RAB3GAP1: variants seen among roughly 807,000 people sequenced by gnomAD.
The protein encoded by RAB3GAP1 is rab3 GTPase-activating protein catalytic subunit.
In RAB3GAP1, 86 loss-of-function variants were observed where a neutral mutation model predicts 130.7. The ratio of observed to expected loss-of-function variants is 0.66; its 90% CI spans 0.55 to 0.79. The LOEUF (loss-of-function observed/expected upper bound fraction) is 0.79, where lower values mean the gene tolerates loss of function less well. Ranked by LOEUF, RAB3GAP1 falls within the 30% of genes least tolerant of loss-of-function variation. RAB3GAP1 has a pLI of 0.00. For synonymous variants in RAB3GAP1, 367 were observed against 401.7 expected (o/e 0.91, Z 1.03); for missense variants, 1,029 against 1,169.4 (o/e 0.88, Z 1.75).
At chr2:135,123,955 T>C (rs953846936) in intron 8 of RAB3GAP1, 4 of 555,300 alleles carry the variant, frequency 7.2e-6, no homozygotes, top group African/African-American at 1.9e-5. Flanking sequence ...ACTGGATAAA[T>C]AGGAAATAAG....
chr2:135,078,021 C>T (rs1689679541), intron 3 of RAB3GAP1, among the ~76,000 whole-genome samples: 1 of 152,080 alleles, frequency 6.6e-6, no homozygotes, highest in African/African-American at 2.4e-5. Context: ...TGATAGTGTA[C>T]TTGATGCACA....
At chr2:135,087,757 T>C (rs547494249) in intron 3 of RAB3GAP1, among the ~76,000 whole-genome samples, 2 of 152,372 alleles carry the variant, frequency 1.3e-5, no homozygotes, top group Admixed American at 1.3e-4. Context: ...GTTTTAGTCA[T>C]TTGTTTGTAG....
chr2:135,117,797 TTC>T lies in RAB3GAP1; in HGVS notation c.648+2418_648+2419del, dbSNP rs1691071774. On this transcript the variant is annotated intron_variant, in intron 7 of 23. Coordinates refer to ENST00000264158, the MANE Select transcript of RAB3GAP1 (RefSeq NM_012233.3). ...CTTCTGCTTCTTCTGCTTCTTCTTC[TTC>T]TTCTTCTTCTTTCTTCTTCTTTCTT... Among the ~76,000 whole-genome samples, 4 of 150,204 alleles carry T rather than the reference TTC, an allele frequency of 2.7e-5. No individual in the cohort carries two copies. The South Asian group carries it at 8.3e-4, about 31-fold the overall frequency.
intron 3 of RAB3GAP1, among the ~76,000 whole-genome samples, chr2:135,076,241 G>T (rs1358975515): frequency 6.6e-6 from 1 of 152,004 alleles, no homozygotes; most frequent in African/African-American, 2.4e-5. Flanking sequence ...GGAATTACTC[G>T]GTCAAAGAGG....
intron 3 of RAB3GAP1, among the ~76,000 whole-genome samples, chr2:135,088,742 C>T (rs1193774961): frequency 6.6e-6 from 1 of 151,026 alleles, no homozygotes; most frequent in Non-Finnish European, 1.5e-5. Context: ...ATTCTTTGCC[C>T]ACTTTTTGAT....
chr2:135,065,173 C>T (rs1689284064), intron 3 of RAB3GAP1, among the ~76,000 whole-genome samples: 1 of 152,156 alleles, frequency 6.6e-6, no homozygotes, highest in South Asian at 2.1e-4. Context: ...TGTCCTGTCA[C>T]CCTCAAACTT....
intron 9 of RAB3GAP1, among the ~76,000 whole-genome samples, chr2:135,125,714 G>T (rs1186138376): frequency 2.6e-5 from 4 of 152,126 alleles, no homozygotes; most frequent in African/African-American, 4.8e-5. Context: ...CACCTAATGG[G>T]GTGGGATGGC....
chr2:135,097,232 T>TTTAA (rs1690324477), intron 5 of RAB3GAP1, among the ~76,000 whole-genome samples: 1 of 150,760 alleles, frequency 6.6e-6, no homozygotes, highest in African/African-American at 2.4e-5. Flanking sequence ...TTTTTTTTTT[T>TTTAA]AAAGAGACAG....
Position 135,091,080 on chromosome 2 carries a change from A to G in RAB3GAP1, c.233A>G (p.Tyr78Cys), listed in dbSNP as rs1009214570. The change falls in exon 4 of 24, where the codon TAT becomes TGT. Residue 78 changes from tyrosine to cysteine, a missense_variant. Tyr to Cys is a radical substitution (Grantham distance 194, BLOSUM62 -2). Coordinates refer to ENST00000264158, the MANE Select transcript of RAB3GAP1 (RefSeq NM_012233.3). ...ADFKFSVTHHYLVQESTDKEG... is the reference protein window; with the variant it reads ...ADFKFSVTHHCLVQESTDKEG... ...TTCAAGTTCTCAGTCACTCATCATT[A>G]TCTTGTACAAGAGTCCACTGATAAA... is the stretch of plus-strand genomic sequence containing the variant. 6.2e-7 allele frequency: 1 copy of G among 1,604,096 alleles called. No homozygotes were observed. The highest frequency in any genetic ancestry group is 8.5e-7 in the Non-Finnish European group (1 of 1,171,116).
In RAB3GAP1 at chr2:135,130,623, G is replaced by A; in HGVS notation, c.1138G>A (p.Val380Ile). The A allele has an allele frequency of 6.2e-7, 1 of 1,613,728 alleles. No homozygotes were observed. Among genetic ancestry groups the A allele is most frequent in the East Asian group, 2.2e-5 (1 of 44,842 alleles). ...PASVPIHKLSVSNMVHTAKKK... is the reference protein window; with the variant it reads ...PASVPIHKLSISNMVHTAKKK... ...ATCAGTTCCAATTCATAAATTATCA[G>A]TTTCAAATATGGTACACACTGCAAA... is the stretch of plus-strand genomic sequence containing the variant. Residue 380 changes from valine (V) to isoleucine (I), a missense_variant, in exon 13 of 24, where the codon GTT becomes ATT. Coordinates refer to ENST00000264158, the MANE Select transcript of RAB3GAP1 (RefSeq NM_012233.3).
chr2:135,158,065 A>G (rs1234703005), intron 19 of RAB3GAP1, among the ~76,000 whole-genome samples: 1 of 152,128 alleles, frequency 6.6e-6, no homozygotes, highest in East Asian at 1.9e-4. Flanking sequence ...ATGAATTGGA[A>G]TTGGAGGTAT....
At position 135,058,042 on chromosome 2, in the gene RAB3GAP1, GACTGGAAA is replaced by G. The variant is rs1205637557; in HGVS notation, c.107_114del (p.Asp36AlafsTer26). The G allele has an allele frequency of 1.2e-6, 2 of 1,612,954 alleles. No homozygotes were observed. Among genetic ancestry groups the G allele is most frequent in the Non-Finnish European group, 1.7e-6 (2 of 1,179,206 alleles). On this transcript the variant is annotated frameshift_variant, in exon 3 of 24. Transcript: ENST00000264158. LOFTEE classifies it high-confidence loss of function. ...TTCCAAAGTTGAAGAAGTCTTGAAT[GACTGGAAA>G]CTGATTGGAAACTCTTTGGGAAAGC... is the stretch of plus-strand genomic sequence containing the variant.
intron 3 of RAB3GAP1, among the ~76,000 whole-genome samples, chr2:135,085,080 A>G (rs937052604): frequency 6.6e-6 from 1 of 152,180 alleles, no homozygotes; most frequent in Non-Finnish European, 1.5e-5. Flanking sequence ...ATTGTAATAC[A>G]AGGAAGATGG....
Position 135,125,674 on chromosome 2 carries a change from A to G in RAB3GAP1, c.831-507A>G, listed in dbSNP as rs1238209944. On this transcript the variant is annotated intron_variant, in intron 9 of 23. Transcript: ENST00000264158. ...GACTAACAGGGCAGGTAGCATAGAC[A>G]GTGTAGGTACACTAGACAAAGGGAT... Among the ~76,000 whole-genome samples the G allele has an allele frequency of 5.9e-5, 9 of 152,374 alleles. No homozygotes were observed. The East Asian group carries it at 1.7e-3, about 29-fold the overall frequency.
intron 3 of RAB3GAP1, among the ~76,000 whole-genome samples, chr2:135,080,138 A>AT (rs1689751612): frequency 6.6e-6 from 1 of 150,700 alleles, no homozygotes; most frequent in South Asian, 2.1e-4. Context: ...AAAAAAAAAA[A>AT]TGAGGTTAAT....
chr2:135,053,206 G>A (rs191894967), intron 2 of RAB3GAP1, among the ~76,000 whole-genome samples: 39 of 152,246 alleles, frequency 2.6e-4, no homozygotes, highest in Admixed American at 2.0e-3. Flanking sequence ...TGAACTCCTG[G>A]GCTCAAGCCT....
chr2:135,055,596 T>G (rs963965530), intron 2 of RAB3GAP1, among the ~76,000 whole-genome samples: 2 of 151,190 alleles, frequency 1.3e-5, no homozygotes, highest in South Asian at 4.2e-4. Flanking sequence ...GAGGATTGCT[T>G]GAGTCCTGGA....
intron 17 of RAB3GAP1, 79 bp downstream of exon 17, chr2:135,136,011 A>C (rs909082631): frequency 1.3e-6 from 2 of 1,559,318 alleles, no homozygotes; most frequent in African/African-American, 1.4e-5. Context: ...TAGTGCTTTG[A>C]GTAAGGAAAA....
chr2:135,083,049 C>A (rs1044512624), intron 3 of RAB3GAP1, among the ~76,000 whole-genome samples: 14 of 151,570 alleles, frequency 9.2e-5, no homozygotes, highest in African/African-American at 3.4e-4. Flanking sequence ...TTTTAAAATA[C>A]ATATATATTA....
Sources: allele counts gnomAD v4.1 joint callset (sites outside exome capture counted in the v4.1 genomes callset), GRCh38; gene constraint gnomAD v4.1.1; transcripts MANE v1.5; gene names NCBI Gene and HGNC (gene_info 2026-07-23, HGNC 2026-07-21).